The following NTRK3 variants were observed in gnomAD, a reference collection of about 807,000 sequenced individuals.
The protein encoded by NTRK3 is neurotrophic receptor tyrosine kinase 3.
NTRK3 carries 24 observed loss-of-function variants against 91.7 expected under a neutral mutation model. The observed-to-expected ratio is 0.26, with a 90% CI of 0.19 to 0.37. The LOEUF (loss-of-function observed/expected upper bound fraction) is 0.37. Among genes scored for constraint, NTRK3 ranks in the 10% least tolerant of loss-of-function variants. The pLI, the probability that NTRK3 is intolerant of heterozygous loss-of-function variation, is 1.00. For missense variants in NTRK3, 880 were observed against 1,068.9 expected (o/e 0.82, Z 2.46); for synonymous variants, 483 against 404.0 (o/e 1.20, Z -2.34).
At chr15:88,005,360 A>G (rs921725898) in intron 14 of NTRK3, among the ~76,000 whole-genome samples, 6 of 152,174 alleles carry the variant, frequency 3.9e-5, no homozygotes, top group African/African-American at 1.4e-4. Context: ...TTAAGACAAG[A>G]GTCTTGTGGG....
chr15:88,087,380 C>T (rs78881247), intron 13 of NTRK3, among the ~76,000 whole-genome samples: 3,943 of 152,242 alleles, frequency 0.026, 165 homozygotes, highest in African/African-American at 0.084. Flanking sequence ...TGTCTAGGTC[C>T]CATCTCCCTT....
intron 13 of NTRK3, among the ~76,000 whole-genome samples, chr15:88,035,379 GA>G (rs1478734956): frequency 3.3e-5 from 5 of 152,206 alleles, no homozygotes; most frequent in Non-Finnish European, 5.9e-5. Flanking sequence ...GGGCTGGGAT[GA>G]AGCATGAAGC....
chr15:87,913,900 T>C (rs1480170924), intron 17 of NTRK3, among the ~76,000 whole-genome samples: 1 of 152,158 alleles, frequency 6.6e-6, no homozygotes, highest in Non-Finnish European at 1.5e-5. Flanking sequence ...AATGTATCTC[T>C]CAGATGGGGC....
At chr15:87,992,249 T>C (rs2075344887) in intron 14 of NTRK3, among the ~76,000 whole-genome samples, 1 of 152,194 alleles carries the variant, frequency 6.6e-6, no homozygotes, top group African/African-American at 2.4e-5. Context: ...GGTCTCATCA[T>C]CTACTCCTTC....
intron 13 of NTRK3, among the ~76,000 whole-genome samples, chr15:88,122,424 A>C (rs1326917007): frequency 6.6e-6 from 1 of 152,188 alleles, no homozygotes; most frequent in Non-Finnish European, 1.5e-5. Flanking sequence ...AAGAAGCTTC[A>C]GTCAGTGAAC....
Position 88,241,201 on chromosome 15 carries a change from C to A in NTRK3, c.248+14705G>T, listed in dbSNP as rs947522367. ...GGACTGAGACACTAGCTGTGCCGCCCTCTTCTGTTCAGTGACCTCCTGGGC... is the reference window on the plus strand; with the variant it reads ...GGACTGAGACACTAGCTGTGCCGCCATCTTCTGTTCAGTGACCTCCTGGGC... On this transcript the variant is annotated intron_variant, in intron 3 of 18. Transcript: ENST00000394480. This position sits in a 1 kb window ranked among gnomAD's most constrained non-coding sequence, Gnocchi z 4.3. Among the ~76,000 whole-genome samples, 1 of 152,212 alleles carries A rather than the reference C, an allele frequency of 6.6e-6. No individual in the cohort carries two copies.
chr15:87,900,250 A>G (rs569940618), intron 17 of NTRK3, among the ~76,000 whole-genome samples: 1 of 152,352 alleles, frequency 6.6e-6, no homozygotes, highest in East Asian at 1.9e-4. Flanking sequence ...TTTAAGCACC[A>G]TAGGTTTCTA....
chr15:88,020,598 T>C (rs2077530469), intron 14 of NTRK3, among the ~76,000 whole-genome samples: 1 of 152,226 alleles, frequency 6.6e-6, no homozygotes, highest in Non-Finnish European at 1.5e-5. Flanking sequence ...TCACATATTG[T>C]CACTTATACA....
At chr15:87,893,605 G>A (rs1189454441) in intron 17 of NTRK3, among the ~76,000 whole-genome samples, 1 of 152,152 alleles carries the variant, frequency 6.6e-6, no homozygotes, top group South Asian at 2.1e-4. Context: ...CACCGCTTTG[G>A]GTTAAATAGA....
At chr15:88,033,205 T>TATATATATAC (rs2078743167) in intron 13 of NTRK3, among the ~76,000 whole-genome samples, 160 bp from the exon 14 acceptor site, 1 of 119,130 alleles carries the variant, frequency 8.4e-6, no homozygotes, top group Non-Finnish European at 1.8e-5. Flanking sequence ...TATATATATA[T>TATATATATAC]ATATATATAT....
chr15:88,176,448 T>C (rs1295024288), intron 5 of NTRK3, among the ~76,000 whole-genome samples: 1 of 152,212 alleles, frequency 6.6e-6, no homozygotes, highest in Non-Finnish European at 1.5e-5. Flanking sequence ...ATGTCCCTTC[T>C]TTTAAACAGG....
chr15:87,867,351 G>A (rs1205318898), exon 19 of NTRK3: 1 of 228,448 alleles, frequency 4.4e-6, no homozygotes, highest in African/African-American at 2.2e-5. Flanking sequence ...TGGGGAGCAG[G>A]GAATGGACAG....
intron 5 of NTRK3, 80 bp from the exon 6 acceptor site, chr15:88,147,483 C>T: frequency 8.6e-7 from 1 of 1,166,666 alleles, no homozygotes; most frequent in Non-Finnish European, 1.3e-6. Flanking sequence ...TTAATCATTT[C>T]ACTGGAGCCT....
intron 17 of NTRK3, among the ~76,000 whole-genome samples, chr15:87,900,797 T>G (rs1409949077): frequency 2.6e-5 from 4 of 151,680 alleles, no homozygotes; most frequent in African/African-American, 9.7e-5. Flanking sequence ...TTAGTTTGCA[T>G]CATACCTCCT....
At chr15:87,923,715 A>C (rs1407508300) in intron 17 of NTRK3, among the ~76,000 whole-genome samples, 1 of 152,214 alleles carries the variant, frequency 6.6e-6, no homozygotes, top group Non-Finnish European at 1.5e-5. Context: ...TCCTCTGTTG[A>C]AAACTTAACC....
At chr15:87,903,527 A>G (rs973102771) in intron 17 of NTRK3, among the ~76,000 whole-genome samples, 1 of 152,170 alleles carries the variant, frequency 6.6e-6, no homozygotes, top group African/African-American at 2.4e-5. Context: ...CTGAGACACT[A>G]TATTTCTTCA....
chr15:87,936,762 C>T (rs2069321393), intron 15 of NTRK3, among the ~76,000 whole-genome samples: 4 of 152,066 alleles, frequency 2.6e-5, no homozygotes, highest in Admixed American at 2.6e-4. Context: ...AATCCACTGC[C>T]ACTTCCTCTG....
intron 14 of NTRK3, among the ~76,000 whole-genome samples, chr15:87,944,697 T>C (rs572508034): frequency 2.3e-4 from 35 of 152,320 alleles, no homozygotes; most frequent in Admixed American, 4.6e-4. Context: ...CTCACTCTGC[T>C]CATCCTGGAA....
At chr15:87,861,325 G>C (rs2064517770) in exon 19 of NTRK3, 1 of 216,446 alleles carries the variant, frequency 4.6e-6, no homozygotes, top group Non-Finnish European at 9.3e-6. Flanking sequence ...ACTGAAGTAG[G>C]TACCAGCTGA....
Sources: gnomAD v4.1 joint callset for allele counts (sites outside exome capture counted in the v4.1 genomes callset) on GRCh38, gnomAD v4.1.1 for gene constraint, Gnocchi (gnomAD v3.1) non-coding constraint, MANE v1.5 for transcripts, NCBI Gene and HGNC (gene_info 2026-07-23, HGNC 2026-07-21) for gene names.